The following DHX35 variants were observed in gnomAD, a reference collection of about 807,000 sequenced individuals.
DHX35 encodes probable ATP-dependent RNA helicase DHX35.
In DHX35, 84 loss-of-function variants were observed where a neutral mutation model predicts 99.6. The ratio of observed to expected loss-of-function variants is 0.84; its 90% CI spans 0.71 to 1.01. The LOEUF (loss-of-function observed/expected upper bound fraction) is 1.01, where lower values mean the gene tolerates loss of function less well. Among genes scored for constraint, DHX35 ranks in the 50% least tolerant of loss-of-function variants. The pLI is 0.00. For missense variants in DHX35, 852 were observed against 888.5 expected (o/e 0.96, Z 0.52); for synonymous variants, 331 against 316.2 (o/e 1.05, Z -0.50).
chr20:38,962,465 C>A, intron 1 of DHX35, 58 bp downstream of exon 1: 1 of 1,583,414 alleles, frequency 6.3e-7, no homozygotes, highest in East Asian at 2.3e-5. Flanking sequence ...GTCTTGGCGC[C>A]GCGGCCGGCG....
In DHX35 at chr20:38,983,731, A is replaced by C; in HGVS notation, c.300A>C (p.Gly100=). Residue 100 remains glycine (G), a synonymous_variant, in exon 4 of 22, where the codon GGA becomes GGC. Transcript: ENST00000252011. Reference sequence around the variant, plus strand: ...CAGAAGCCGGCTGGACAGCTGAAGGAAGAGTGGTAGGAGTGACCCAGCCTC... The same window carrying C: ...CAGAAGCCGGCTGGACAGCTGAAGGCAGAGTGGTAGGAGTGACCCAGCCTC... ...YLAEAGWTAE[G]RVVGVTQPRR... 1 of 1,614,078 alleles carries C rather than the reference A, an allele frequency of 6.2e-7. No individual in the cohort carries two copies. The highest frequency in any genetic ancestry group is 1.3e-5 in the African/African-American group (1 of 75,030).
chr20:39,035,656 A>C (rs2087139053), intron 21 of DHX35, among the ~76,000 whole-genome samples: 1 of 152,174 alleles, frequency 6.6e-6, no homozygotes, highest in Non-Finnish European at 1.5e-5. Context: ...GTGGCATCAC[A>C]GGGGCTTAGG....
chr20:39,028,576 A>G, intron 19 of DHX35, 77 bp downstream of exon 19: 1 of 1,460,890 alleles, frequency 6.8e-7, no homozygotes, highest in Non-Finnish European at 9.6e-7. Flanking sequence ...AAAGCTGTGC[A>G]GAGATAGTAA....
intron 16 of DHX35, among the ~76,000 whole-genome samples, chr20:39,022,175 T>G (rs1005033445): frequency 5.9e-5 from 9 of 152,156 alleles, no homozygotes; most frequent in African/African-American, 2.2e-4. Flanking sequence ...TTTATTTATT[T>G]ATTGAGAGGA....
At chr20:39,029,775 A>G (rs921394785) in intron 19 of DHX35, 2 of 152,136 alleles carry the variant, frequency 1.3e-5, no homozygotes, top group East Asian at 1.9e-4. Context: ...GTTCCAGGCT[A>G]ATCATTCCTT....
Position 38,972,654 on chromosome 20 carries a change from G to A in DHX35, c.267+3G>A, listed in dbSNP as rs1167265968. The A allele has an allele frequency of 6.2e-7, 1 of 1,601,470 alleles. No homozygotes were observed. The highest frequency in any genetic ancestry group is 1.3e-5 in the African/African-American group (1 of 74,618). ...GGAAGAGCACACAGATTCCTCAGGT[G>A]AGTACATATTTAATAAGTGTCTTTA... is the stretch of plus-strand genomic sequence containing the variant. On this transcript the variant is annotated splice_donor_region_variant and intron_variant, in intron 3 of 21. Coordinates refer to ENST00000252011, the MANE Select transcript of DHX35 (RefSeq NM_021931.4).
At chr20:38,965,834 G>A (rs1284040561) in intron 1 of DHX35, among the ~76,000 whole-genome samples, 1 of 152,140 alleles carries the variant, frequency 6.6e-6, no homozygotes, top group African/African-American at 2.4e-5. Context: ...AAGTACACGT[G>A]GATCCGAAGG....
intron 3 of DHX35, among the ~76,000 whole-genome samples, chr20:38,976,624 A>G (rs1288656366): frequency 2.0e-5 from 3 of 152,090 alleles, no homozygotes; most frequent in Non-Finnish European, 4.4e-5. Flanking sequence ...TCCCTTAGCT[A>G]TTTTGAAGTC....
At chr20:39,028,384 GT>G in intron 18 of DHX35, 33 bp from the exon 19 acceptor site, 1 of 1,610,922 alleles carries the variant, frequency 6.2e-7, no homozygotes, top group South Asian at 1.1e-5. Context: ...GCAGGCAAGG[GT>G]TTCACCCGCC....
At chr20:39,012,157 G>A (rs1287479226) in intron 13 of DHX35, among the ~76,000 whole-genome samples, 1 of 152,152 alleles carries the variant, frequency 6.6e-6, no homozygotes, top group Non-Finnish European at 1.5e-5. Context: ...CTTGAGGCAG[G>A]AGAAACGCTT....
chr20:38,972,732 A>G (rs2086021797), intron 3 of DHX35, 81 bp downstream of exon 3: 1 of 894,224 alleles, frequency 1.1e-6, no homozygotes, highest in Non-Finnish European at 1.8e-6. Context: ...CTTTACTATC[A>G]TTTACATTTT....
At chr20:38,979,530 GTAT>G (rs1355549785) in intron 3 of DHX35, among the ~76,000 whole-genome samples, 1 of 152,196 alleles carries the variant, frequency 6.6e-6, no homozygotes, top group Non-Finnish European at 1.5e-5. Flanking sequence ...GTAATAGATT[GTAT>G]TATTGGTCCA....
intron 3 of DHX35, among the ~76,000 whole-genome samples, chr20:38,979,407 A>G (rs1410231845): frequency 1.3e-5 from 2 of 152,214 alleles, no homozygotes; most frequent in Non-Finnish European, 2.9e-5. Flanking sequence ...TTTATTATAA[A>G]CTTTTTAAAA....
Position 38,969,060 on chromosome 20 carries a change from A to G in DHX35, c.41-21A>G, listed in dbSNP as rs371453692. 4.1e-5 allele frequency: 65 copies of G among 1,574,014 alleles called. No homozygotes were observed. The African/African-American group carries it at 8.4e-4, about 20-fold the overall frequency. ...TGTTCATTGTATCAGAGAATCTGAAAAAAAAACATTTCTGCTGCAGGTACA... is the reference window on the plus strand; with the variant it reads ...TGTTCATTGTATCAGAGAATCTGAAGAAAAAACATTTCTGCTGCAGGTACA... On this transcript the variant is annotated intron_variant, in intron 1 of 21. Transcript: ENST00000252011.
At chr20:39,000,364 G>A (rs929490992) in intron 8 of DHX35, among the ~76,000 whole-genome samples, 3 of 152,190 alleles carry the variant, frequency 2.0e-5, no homozygotes, top group South Asian at 2.1e-4. Context: ...TTTGGGGCAT[G>A]GGGTGTCTGT....
At chr20:39,015,261 T>C (rs1444170078) in intron 14 of DHX35, among the ~76,000 whole-genome samples, 1 of 152,182 alleles carries the variant, frequency 6.6e-6, no homozygotes, top group Non-Finnish European at 1.5e-5. Flanking sequence ...AGACCTTTTT[T>C]CTCCACCCAA....
At chr20:39,031,128 C>G (rs956107469) in intron 20 of DHX35, among the ~76,000 whole-genome samples, 7 of 151,714 alleles carry the variant, frequency 4.6e-5, no homozygotes, top group African/African-American at 1.7e-4. Flanking sequence ...CACCACTGCA[C>G]TCTAGCCTGG....
chr20:39,034,321 G>C lies in DHX35; in HGVS notation c.2067+4G>C. ...ACACTTTTATCAACAAGGAACGGTA[G>C]GAATGAACTGAGTCTGTGCCCCAGC... is the stretch of plus-strand genomic sequence containing the variant. On this transcript the variant is annotated splice_donor_region_variant and intron_variant, in intron 21 of 21. Coordinates refer to ENST00000252011, the MANE Select transcript of DHX35 (RefSeq NM_021931.4). 5 of 1,611,294 alleles carry C rather than the reference G, an allele frequency of 3.1e-6. No homozygotes were observed. Among genetic ancestry groups the C allele is most frequent in the Non-Finnish European group, 4.2e-6 (5 of 1,177,508 alleles).
At chr20:39,009,882 A>G (rs2086672356) in intron 12 of DHX35, among the ~76,000 whole-genome samples, 1 of 152,052 alleles carries the variant, frequency 6.6e-6, no homozygotes, top group Non-Finnish European at 1.5e-5. Flanking sequence ...CATTTGTTGT[A>G]TTTTGGTGAT....
Sources: allele counts gnomAD v4.1 joint callset (sites outside exome capture counted in the v4.1 genomes callset), GRCh38; gene constraint gnomAD v4.1.1; transcripts MANE v1.5; gene names NCBI Gene and HGNC (gene_info 2026-07-23, HGNC 2026-07-21).